The following KMT2E variants were observed in gnomAD, a reference collection of about 807,000 sequenced individuals.
KMT2E encodes histone reader KMT2E.
Under a neutral mutation model 184.6 loss-of-function variants are expected in KMT2E, and 30 were observed. The observed-to-expected ratio is 0.16, with a 90% CI of 0.12 to 0.22. The LOEUF (loss-of-function observed/expected upper bound fraction) is 0.22. KMT2E is among the 10% of genes least tolerant of loss of function. The pLI is 1.00. For synonymous variants in KMT2E, 815 were observed against 776.5 expected (o/e 1.05, Z -0.82); for missense variants, 2,023 against 2,237.4 (o/e 0.90, Z 1.93).
intron 1 of KMT2E, among the ~76,000 whole-genome samples, chr7:105,029,239 A>G (rs1470343705): frequency 2.6e-5 from 4 of 152,128 alleles, no homozygotes; most frequent in Non-Finnish European, 5.9e-5. Flanking sequence ...CTCCAGGAAA[A>G]AAAAACACTA....
At chr7:105,093,619 G>A (rs1397185964) in intron 15 of KMT2E, among the ~76,000 whole-genome samples, 2 of 152,122 alleles carry the variant, frequency 1.3e-5, no homozygotes, top group African/African-American at 4.8e-5. Flanking sequence ...GGGAGGCGGA[G>A]GTTGCAGTGA....
At chr7:105,076,715 A>G (rs909221036) in intron 9 of KMT2E, among the ~76,000 whole-genome samples, 3 of 152,146 alleles carry the variant, frequency 2.0e-5, no homozygotes, top group African/African-American at 7.2e-5. Flanking sequence ...AAGGATAACA[A>G]ATTTCTAAAA....
chr7:105,088,787 G>C (rs1366786470), intron 13 of KMT2E, among the ~76,000 whole-genome samples: 2 of 152,168 alleles, frequency 1.3e-5, no homozygotes. Flanking sequence ...TTGTAAAATG[G>C]GGGCAATATC....
At chr7:105,084,081 T>C (rs1198631806) in intron 13 of KMT2E, among the ~76,000 whole-genome samples, 3 of 152,220 alleles carry the variant, frequency 2.0e-5, no homozygotes, top group Non-Finnish European at 2.9e-5. Context: ...AAAAAGTGCA[T>C]GGTTTTCACA....
At chr7:105,103,015 C>T (rs1433375421) in intron 17 of KMT2E, 3 of 152,152 alleles carry the variant, frequency 2.0e-5, no homozygotes, top group Admixed American at 6.6e-5. Flanking sequence ...TCATTAGAGA[C>T]AATCTAAACA....
At chr7:105,049,444 A>C (rs1796237965) in intron 3 of KMT2E, among the ~76,000 whole-genome samples, 1 of 142,486 alleles carries the variant, frequency 7.0e-6, no homozygotes, top group South Asian at 2.1e-4. Context: ...ACCTTGTCTC[A>C]AAAAAAAAAA....
At chr7:105,026,930 G>A (rs1191663975) in intron 1 of KMT2E, among the ~76,000 whole-genome samples, 2 of 152,018 alleles carry the variant, frequency 1.3e-5, no homozygotes, top group African/African-American at 4.8e-5. Flanking sequence ...AAGGATTTTG[G>A]GAAAAGCAAT....
At chr7:105,048,198 G>A (rs1030430407) in intron 3 of KMT2E, among the ~76,000 whole-genome samples, 7 of 152,014 alleles carry the variant, frequency 4.6e-5, no homozygotes, top group Admixed American at 6.6e-5. Flanking sequence ...CACCACACTT[G>A]GCTAATTTTG....
chr7:105,081,765 T>A lies in KMT2E; in HGVS notation c.1326T>A (p.Ile442=). Residue 442 remains isoleucine, a synonymous_variant, in exon 13 of 27, where the codon ATT becomes ATA. Coordinates refer to ENST00000311117, the MANE Select transcript of KMT2E (RefSeq NM_182931.3). ...SIHSIPKGTE[I]TIAFDFDYGN... ...ACAGTATTCCAAAGGGAACTGAAAT[T>A]ACTATTGCCTTTGATTTTGACTATG... 1 of 1,509,160 alleles carries A rather than the reference T, an allele frequency of 6.6e-7. No individual in the cohort carries two copies. Among genetic ancestry groups the A allele is most frequent in the South Asian group, 1.2e-5 (1 of 84,862 alleles). 93.5% of individuals were successfully genotyped at this position (1,509,160 alleles called of 1,614,324 possible). A position where few individuals can be genotyped will look rare whatever the true frequency, so the allele number is the denominator to read the frequency against.
chr7:105,060,210 G>A (rs1796758182), intron 3 of KMT2E, among the ~76,000 whole-genome samples: 1 of 151,362 alleles, frequency 6.6e-6, no homozygotes, highest in African/African-American at 2.4e-5. Context: ...GGCCAGGCTG[G>A]TCTTGAACTC....
chr7:105,107,296 A>T, intron 21 of KMT2E, 66 bp from the exon 22 acceptor site: 1 of 1,516,036 alleles, frequency 6.6e-7, no homozygotes, highest in East Asian at 2.3e-5. Flanking sequence ...ATTACTGGTA[A>T]ATTTTGAAAT....
chr7:105,015,826 T>G (rs1266286786), intron 1 of KMT2E, among the ~76,000 whole-genome samples: 5 of 152,278 alleles, frequency 3.3e-5, no homozygotes, highest in African/African-American at 1.2e-4. Flanking sequence ...AAAAATGTGT[T>G]GATTTTTTAC....
chr7:105,057,690 T>C (rs559651878), intron 3 of KMT2E, among the ~76,000 whole-genome samples: 3 of 152,288 alleles, frequency 2.0e-5, no homozygotes, highest in African/African-American at 7.2e-5. Flanking sequence ...TGGCCTCAAG[T>C]GATCCTCCCT....
At position 105,101,450 on chromosome 7, in the gene KMT2E, C is replaced by G; in HGVS notation, c.1748C>G (p.Ala583Gly). Residue 583 changes from alanine (A) to glycine (G), a missense_variant, in exon 16 of 27, where the codon GCA (alanine) becomes GGA (glycine). Around this residue, in one of 8 missense-constraint regions of KMT2E, gnomAD observed 514 missense variants for 621.8 expected, o/e 0.83. Transcript: ENST00000311117. Reference protein sequence around the residue: ...KMTREERKMEAILQAFARLEK... With the variant: ...KMTREERKMEGILQAFARLEK... ...ACAAGAGAAGAAAGAAAAATGGAAG[C>G]AATTTTGCAAGCTTTTGCCAGACTT... The G allele has an allele frequency of 6.4e-7, 1 of 1,554,258 alleles. No homozygotes were observed. Among genetic ancestry groups the G allele is most frequent in the Non-Finnish European group, 8.6e-7 (1 of 1,159,072 alleles).
chr7:105,092,489 G>A (rs1798246129), intron 15 of KMT2E, among the ~76,000 whole-genome samples: 1 of 152,068 alleles, frequency 6.6e-6, no homozygotes, highest in African/African-American at 2.4e-5. Context: ...ATGAATTATT[G>A]ATACTCAAAA....
chr7:105,113,113 G>T lies in KMT2E; in HGVS notation c.5357G>T (p.Cys1786Phe), dbSNP rs761656525. The change falls in exon 27 of 27, where the codon TGT becomes TTT. Residue 1786 changes from cysteine to phenylalanine, a missense_variant. Physicochemically the swap from Cys to Phe is radical, Grantham distance 205. This residue lies in a region of KMT2E where 1,108 missense variants were observed against 1,050.9 expected (regional missense o/e 1.05). Transcript: ENST00000311117. ...CAGCCTTCTGGAACAGGGCCACATT[G>T]TCCATTACCTGTCACAGGTCCTCAT... is the stretch of plus-strand genomic sequence containing the variant. Reference protein sequence around the residue: ...QHQPSGTGPHCPLPVTGPHLQ... With the variant: ...QHQPSGTGPHFPLPVTGPHLQ... 1.2e-6 allele frequency: 2 copies of T among 1,614,126 alleles called. No homozygotes were observed. Among genetic ancestry groups the T allele is most frequent in the South Asian group, 1.1e-5 (1 of 91,080 alleles).
At chr7:105,105,243 G>A in intron 17 of KMT2E, 196 bp from the exon 18 acceptor site, 1 of 423,256 alleles carries the variant, frequency 2.4e-6, no homozygotes, top group East Asian at 3.7e-5. Flanking sequence ...AAAATAATTG[G>A]GTAAAAAGTT....
intron 15 of KMT2E, among the ~76,000 whole-genome samples, chr7:105,101,041 T>G (rs1798633293): frequency 6.6e-6 from 1 of 152,184 alleles, no homozygotes; most frequent in South Asian, 2.1e-4. Flanking sequence ...AATTTTACCT[T>G]TTCAACATAT....
intron 12 of KMT2E, among the ~76,000 whole-genome samples, chr7:105,080,519 G>A (rs573412720): frequency 2.6e-5 from 4 of 152,090 alleles, no homozygotes; most frequent in South Asian, 2.1e-4. Flanking sequence ...ATAGGCATGC[G>A]CTGCTGCACC....
Sources: gnomAD v4.1 joint callset for allele counts (sites outside exome capture counted in the v4.1 genomes callset) on GRCh38, gnomAD v4.1.1 for gene constraint, gnomAD v4.1.1 regional missense constraint, MANE v1.5 for transcripts, NCBI Gene and HGNC (gene_info 2026-07-23, HGNC 2026-07-21) for gene names.